UIMC1: variants seen among roughly 807,000 people sequenced by gnomAD.
UIMC1 encodes ubiquitin interaction motif containing 1.
UIMC1 carries 42 observed loss-of-function variants against 84.9 expected under a neutral mutation model. That is an observed-to-expected ratio of 0.49 (90% CI 0.39 to 0.64). The LOEUF is 0.64. UIMC1 is among the 30% of genes least tolerant of loss of function. UIMC1 has a pLI of 0.00. For synonymous variants in UIMC1, 281 were observed against 293.0 expected (o/e 0.96, Z 0.42); for missense variants, 825 against 847.6 (o/e 0.97, Z 0.33).
intron 10 of UIMC1, among the ~76,000 whole-genome samples, chr5:176,941,535 G>GAA (rs1764436242): frequency 6.6e-6 from 1 of 152,024 alleles, no homozygotes; most frequent in Non-Finnish European, 1.5e-5. Flanking sequence ...ATTACTTCAA[G>GAA]AAAAGTAAAT....
intron 1 of UIMC1, among the ~76,000 whole-genome samples, chr5:177,018,697 T>C (rs353467): frequency 0.58 from 87,855 of 152,068 alleles, 27,127 homozygotes; most frequent in African/African-American, 0.81. Context: ...TGGAAGCACT[T>C]ACACAAAGAC....
chr5:176,974,514 C>A (rs1769751024), intron 3 of UIMC1, among the ~76,000 whole-genome samples: 1 of 152,044 alleles, frequency 6.6e-6, no homozygotes, highest in Non-Finnish European at 1.5e-5. Flanking sequence ...AGAAAAAAAA[C>A]CATAAAAGAG....
chr5:176,997,414 G>A lies in UIMC1; in HGVS notation c.-9+9236C>T, dbSNP rs932642541. ...ACTTAAAACATTTCAGGCCGGGCACGGTGGCTCACACCTGTAATCCCGCAC... is the reference window on the plus strand; with the variant it reads ...ACTTAAAACATTTCAGGCCGGGCACAGTGGCTCACACCTGTAATCCCGCAC... On this transcript the variant is annotated intron_variant, in intron 1 of 14. Coordinates refer to ENST00000511320, the MANE Select transcript of UIMC1 (RefSeq NM_001199298.2). 3.9e-5 allele frequency among the ~76,000 whole-genome samples: 6 copies of A among 152,166 alleles called. No homozygotes were observed. The East Asian group carries it at 7.7e-4, about 20-fold the overall frequency.
intron 9 of UIMC1, among the ~76,000 whole-genome samples, chr5:176,950,386 C>A (rs1187484045): frequency 1.3e-5 from 2 of 151,602 alleles, no homozygotes; most frequent in South Asian, 4.2e-4. Context: ...GCATGAGCCA[C>A]TGCGCCCGGC....
chr5:176,960,264 T>A (rs1767180578), intron 6 of UIMC1, among the ~76,000 whole-genome samples: 1 of 152,238 alleles, frequency 6.6e-6, no homozygotes, highest in African/African-American at 2.4e-5. Flanking sequence ...AAAACTATTA[T>A]ATTGCTTACT....
intron 10 of UIMC1, among the ~76,000 whole-genome samples, chr5:176,913,403 A>G (rs773979654): frequency 1.3e-5 from 2 of 152,240 alleles, no homozygotes; most frequent in South Asian, 2.1e-4. Flanking sequence ...TCTGATTCCT[A>G]TACTTATGTT....
chr5:176,951,161 C>T lies in UIMC1; in HGVS notation c.1443+313G>A, dbSNP rs1765836623. On this transcript the variant is annotated intron_variant, in intron 9 of 14. Coordinates refer to ENST00000511320, the MANE Select transcript of UIMC1 (RefSeq NM_001199298.2). ...ATGCCCTGTAACTTTGGATTCAAAC[C>T]CGTGTTCAAATTATATTTCTACCAT... Among the ~76,000 whole-genome samples, 4 of 152,088 alleles carry T rather than the reference C, an allele frequency of 2.6e-5. No individual in the cohort carries two copies. In the South Asian group the frequency reaches 8.3e-4, roughly 32 times the overall value.
intron 10 of UIMC1, among the ~76,000 whole-genome samples, chr5:176,921,764 C>T (rs977656319): frequency 6.6e-6 from 1 of 152,186 alleles, no homozygotes; most frequent in Non-Finnish European, 1.5e-5. Context: ...TGCTTAGTCT[C>T]CTCAATTCCA....
intron 6 of UIMC1, among the ~76,000 whole-genome samples, chr5:176,967,637 T>G (rs1314961256): frequency 6.6e-6 from 1 of 152,180 alleles, no homozygotes; most frequent in Non-Finnish European, 1.5e-5. Flanking sequence ...GCGTGTTGGC[T>G]CATGCCTACA....
chr5:176,989,655 T>C (rs1772516862), intron 1 of UIMC1, among the ~76,000 whole-genome samples: 1 of 147,108 alleles, frequency 6.8e-6, no homozygotes, highest in South Asian at 2.1e-4. Context: ...AGACCCTGCC[T>C]CAAAAAAAAA....
chr5:176,938,334 G>A (rs1157606503), intron 10 of UIMC1, among the ~76,000 whole-genome samples: 2 of 151,700 alleles, frequency 1.3e-5, no homozygotes, highest in Admixed American at 6.6e-5. Flanking sequence ...AGAGGAACCA[G>A]CACAATCACT....
intron 10 of UIMC1, among the ~76,000 whole-genome samples, chr5:176,924,139 G>A (rs964555119): frequency 2.6e-5 from 4 of 151,112 alleles, no homozygotes; most frequent in East Asian, 3.9e-4. Flanking sequence ...CCAACATGGC[G>A]AAACCCCATC....
intron 14 of UIMC1, 158 bp from the exon 15 acceptor site, chr5:176,905,650 G>A: frequency 1.4e-6 from 1 of 732,440 alleles, no homozygotes. Flanking sequence ...TTTCACAGAT[G>A]AGGTCACTGG....
At position 176,982,569 on chromosome 5, in the gene UIMC1, T is replaced by C; in HGVS notation, c.47A>G (p.Asn16Ser). The C allele has an allele frequency of 6.2e-7, 1 of 1,614,156 alleles. No homozygotes were observed. The highest frequency in any genetic ancestry group is 8.5e-7 in the Non-Finnish European group (1 of 1,180,020). ...AGTTTCCACATCCTTCTTCTCCAGG[T>C]TCCGAGATTCGGAGACTTCTTTAAC... Reference protein sequence around the residue: ...KKVKEVSESRNLEKKDVETTS... With the variant: ...KKVKEVSESRSLEKKDVETTS... The change falls in exon 2 of 15, where the codon AAC (asparagine) becomes AGC (serine). Residue 16 changes from asparagine to serine, a missense_variant. Coordinates refer to ENST00000511320, the MANE Select transcript of UIMC1 (RefSeq NM_001199298.2).
Position 176,911,396 on chromosome 5 carries a change from A to C in UIMC1, c.1598-7T>G. 6.5e-7 allele frequency: 1 copy of C among 1,545,884 alleles called. No individual in the cohort carries two copies. Among genetic ancestry groups the C allele is most frequent in the Middle Eastern group, 1.8e-4 (1 of 5,442 alleles). The stretch of plus-strand genomic sequence containing the variant: ...TTTTGTCTCCGAGTCAATACTTTTA[A>C]TATAAAAAATATATATATATACACA... On this transcript the variant is annotated splice_region_variant and splice_polypyrimidine_tract_variant and intron_variant, in intron 10 of 14. Coordinates refer to ENST00000511320, the MANE Select transcript of UIMC1 (RefSeq NM_001199298.2).
At chr5:176,996,313 G>A (rs1752877085) in intron 1 of UIMC1, among the ~76,000 whole-genome samples, 1 of 152,112 alleles carries the variant, frequency 6.6e-6, no homozygotes, top group Admixed American at 6.6e-5. Context: ...ACTGGTAAGG[G>A]GCAGGAGGGT....
In UIMC1 at chr5:176,968,704, C is replaced by T. The variant is rs762131082; in HGVS notation, c.1051G>A (p.Glu351Lys). ...TCTTTGTCTTCATCTCCCATATCTT[C>T]TGAGATGCATTCATTTTTCTCACTA... is the stretch of plus-strand genomic sequence containing the variant. ...QASEKNECIS[E>K]DMGDEDKEER... The change falls in exon 6 of 15, where the codon GAA (glutamate) becomes AAA (lysine). Residue 351 changes from glutamate (E) to lysine (K), a missense_variant. Transcript: ENST00000511320. 1.2e-6 allele frequency: 2 copies of T among 1,614,056 alleles called. No individual in the cohort carries two copies. Among genetic ancestry groups the T allele is most frequent in the East Asian group, 2.2e-5 (1 of 44,892 alleles).
chr5:177,000,778 G>A (rs775528160), intron 1 of UIMC1, among the ~76,000 whole-genome samples: 108 of 152,080 alleles, frequency 7.1e-4, no homozygotes, highest in Non-Finnish European at 4.7e-4. Flanking sequence ...GGGATTACAA[G>A]CCTGAGCTAC....
intron 10 of UIMC1, among the ~76,000 whole-genome samples, chr5:176,919,898 T>C (rs1257293070): frequency 6.6e-6 from 1 of 152,234 alleles, no homozygotes; most frequent in African/African-American, 2.4e-5. Context: ...AATTGGAAAG[T>C]ATGAACTCTT....
Sources: gnomAD v4.1 joint callset for allele counts (sites outside exome capture counted in the v4.1 genomes callset) on GRCh38, gnomAD v4.1.1 for gene constraint, MANE v1.5 for transcripts, NCBI Gene and HGNC (gene_info 2026-07-23, HGNC 2026-07-21) for gene names.